The following XPNPEP3 variants were observed in gnomAD, a reference collection of about 807,000 sequenced individuals.
The protein encoded by XPNPEP3 is X-prolyl aminopeptidase 3.
A neutral mutation model predicts 60.0 loss-of-function variants in XPNPEP3; 41 were observed. The observed-to-expected ratio is 0.68, with a 90% CI of 0.53 to 0.89. The LOEUF (loss-of-function observed/expected upper bound fraction) is 0.89. XPNPEP3 is among the 40% of genes least tolerant of loss of function. The pLI is 0.00. For synonymous variants in XPNPEP3, 212 were observed against 223.2 expected (o/e 0.95, Z 0.45); for missense variants, 598 against 638.9 (o/e 0.94, Z 0.69).
Position 40,886,305 on chromosome 22 carries a change from A to T in XPNPEP3, c.590-8A>T. 6.2e-7 allele frequency: 1 copy of T among 1,613,852 alleles called. No individual in the cohort carries two copies. Among genetic ancestry groups the T allele is most frequent in the South Asian group, 1.1e-5 (1 of 91,076 alleles). The stretch of plus-strand genomic sequence containing the variant: ...TTTTAAATTTATTTTTCGGCTTCTC[A>T]TTCTAAGCTGAGACGAACATGGTTT... On this transcript the variant is annotated splice_region_variant and splice_polypyrimidine_tract_variant and intron_variant, in intron 3 of 9. Transcript: ENST00000357137.
Position 40,873,105 on chromosome 22 carries a change from T to C in XPNPEP3, c.181+3990T>C, listed in dbSNP as rs1039234070. On this transcript the variant is annotated intron_variant, in intron 2 of 9. Coordinates refer to ENST00000357137, the MANE Select transcript of XPNPEP3 (RefSeq NM_022098.4). Reference sequence around the variant, plus strand: ...CTTTTTCTTTTTCTTTTTCTTTTTTTTTTTTTTTTTTTTTTTTTGAGACAG... The same window carrying C: ...CTTTTTCTTTTTCTTTTTCTTTTTTCTTTTTTTTTTTTTTTTTTGAGACAG... Among the ~76,000 whole-genome samples, 12 of 131,564 alleles carry C rather than the reference T, an allele frequency of 9.1e-5. 1 individual carries two copies. Among genetic ancestry groups the C allele is most frequent in the African/African-American group, 3.2e-4 (11 of 34,766 alleles). 86.3% of individuals were successfully genotyped at this position (131,564 alleles called of 152,430 possible).
At chr22:40,857,360 AC>A in intron 1 of XPNPEP3, 115 bp downstream of exon 1, 2 of 1,166,698 alleles carry the variant, frequency 1.7e-6, no homozygotes, top group South Asian at 1.3e-5. Context: ...CCGCTCCCCA[AC>A]CCTCTGTGCT....
chr22:40,877,972 C>T (rs746132675), intron 2 of XPNPEP3, among the ~76,000 whole-genome samples: 1 of 151,934 alleles, frequency 6.6e-6, no homozygotes, highest in Non-Finnish European at 1.5e-5. Flanking sequence ...TTTGGGAGGC[C>T]GAGGCCGGTG....
chr22:40,859,565 C>T (rs1217194803), intron 1 of XPNPEP3: 1 of 151,884 alleles, frequency 6.6e-6, no homozygotes, highest in Non-Finnish European at 1.5e-5. Flanking sequence ...ATACCCTGGG[C>T]TTTTATTATT....
chr22:40,908,078 G>GT (rs2058163057), intron 5 of XPNPEP3, among the ~76,000 whole-genome samples: 1 of 152,030 alleles, frequency 6.6e-6, no homozygotes, highest in African/African-American at 2.4e-5. Context: ...GCTGAGTGTG[G>GT]TAACGTATGC....
chr22:40,862,111 G>A, intron 1 of XPNPEP3: 1 of 1,495,118 alleles, frequency 6.7e-7, no homozygotes, highest in Non-Finnish European at 8.9e-7. Flanking sequence ...ACACTTTTAT[G>A]TTAAAGACAA....
In XPNPEP3 at chr22:40,927,504, C is replaced by T. The variant is rs542021429; in HGVS notation, c.*1069C>T. The stretch of plus-strand genomic sequence containing the variant: ...AACAAATAAATAAATAAAATCCTGA[C>T]ATCCTGCCATCTTTTCTCTTCAATT... On this transcript the variant is annotated 3_prime_UTR_variant, in exon 10 of 10. Coordinates refer to ENST00000357137, the MANE Select transcript of XPNPEP3 (RefSeq NM_022098.4). 2.0e-5 allele frequency: 3 copies of T among 151,524 alleles called. No homozygotes were observed. Among genetic ancestry groups the T allele is most frequent in the South Asian group, 2.1e-4 (1 of 4,798 alleles). The allele number at this position is 151,524 out of a possible 1,614,324, so 9.4% of individuals were successfully genotyped here. A position where few individuals can be genotyped will look rare whatever the true frequency, so the allele number is the denominator to read the frequency against.
rs764373334 is a variant in XPNPEP3 at position 40,924,477 on chromosome 22, A to C, written c.1352A>C (p.Glu451Ala). 6.2e-7 allele frequency: 1 copy of C among 1,614,110 alleles called. No individual in the cohort carries two copies. Among genetic ancestry groups the C allele is most frequent in the Non-Finnish European group, 8.5e-7 (1 of 1,180,020 alleles). The change falls in exon 9 of 10, where the codon GAG becomes GCG. Residue 451 changes from glutamate (E) to alanine (A), a missense_variant. Glu to Ala is a moderately radical substitution (Grantham distance 107). Coordinates refer to ENST00000357137, the MANE Select transcript of XPNPEP3 (RefSeq NM_022098.4). ...PLQPGMVITI[E>A]PGIYIPEDDK... ...CAGCCTGGGATGGTAATCACAATTG[A>C]GCCCGGTAAGGAGAGGTGTTACAAT... is the stretch of plus-strand genomic sequence containing the variant.
intron 4 of XPNPEP3, 106 bp from the exon 5 acceptor site, chr22:40,907,481 A>G: frequency 2.5e-6 from 3 of 1,207,790 alleles, no homozygotes; most frequent in African/African-American, 1.5e-5. Flanking sequence ...CAGGCTGACG[A>G]AATTGTGGGA....
chr22:40,897,501 G>GTT (rs879498678), intron 4 of XPNPEP3, among the ~76,000 whole-genome samples: 1 of 142,982 alleles, frequency 7.0e-6, no homozygotes, highest in African/African-American at 2.6e-5. Flanking sequence ...AGTCTGTGTT[G>GTT]TTTTTTTTTT....
At chr22:40,899,544 G>A (rs184500212) in intron 4 of XPNPEP3, among the ~76,000 whole-genome samples, 4 of 152,096 alleles carry the variant, frequency 2.6e-5, no homozygotes, top group East Asian at 1.9e-4. Flanking sequence ...AGTTGTGCCC[G>A]GGCACAGTGG....
intron 1 of XPNPEP3, chr22:40,861,736 C>G: frequency 6.2e-7 from 1 of 1,613,690 alleles, no homozygotes; most frequent in Non-Finnish European, 8.5e-7. Context: ...AATGTGAAGC[C>G]GTACTCACAT....
At chr22:40,862,256 C>T (rs1428535218) in intron 1 of XPNPEP3, 25 of 1,184,474 alleles carry the variant, frequency 2.1e-5, no homozygotes, top group Non-Finnish European at 2.6e-5. Flanking sequence ...AGAGCTAGTC[C>T]AGAGTCGTAC....
At chr22:40,890,595 A>G (rs912136739) in intron 4 of XPNPEP3, among the ~76,000 whole-genome samples, 1 of 151,850 alleles carries the variant, frequency 6.6e-6, no homozygotes, top group Non-Finnish European at 1.5e-5. Context: ...GGCTGGATGC[A>G]GTGGCTCACG....
chr22:40,900,146 A>G (rs2058126103), intron 4 of XPNPEP3, among the ~76,000 whole-genome samples: 1 of 152,164 alleles, frequency 6.6e-6, no homozygotes, highest in Non-Finnish European at 1.5e-5. Context: ...AGGAAAAAAC[A>G]TAAGGGTGAA....
At chr22:40,925,110 T>G (rs1045055753) in intron 9 of XPNPEP3, among the ~76,000 whole-genome samples, 1 of 152,196 alleles carries the variant, frequency 6.6e-6, no homozygotes, top group African/African-American at 2.4e-5. Flanking sequence ...GGTGCTTGTG[T>G]GCAGAGAGAC....
chr22:40,875,401 T>A (rs1043663286), intron 2 of XPNPEP3, among the ~76,000 whole-genome samples: 4 of 152,204 alleles, frequency 2.6e-5, no homozygotes, highest in Non-Finnish European at 4.4e-5. Flanking sequence ...ATAATTTTTT[T>A]AAATCACTGT....
chr22:40,908,998 T>C, intron 5 of XPNPEP3, 124 bp from the exon 6 acceptor site: 1 of 771,280 alleles, frequency 1.3e-6, no homozygotes, highest in Non-Finnish European at 2.3e-6. Context: ...TTAGATATGA[T>C]GAATAGCTTC....
intron 1 of XPNPEP3, among the ~76,000 whole-genome samples, chr22:40,864,255 G>T (rs950296950): frequency 1.3e-5 from 2 of 152,150 alleles, no homozygotes; most frequent in Non-Finnish European, 2.9e-5. Context: ...AACTCTTGGG[G>T]TGCTGGTGGG....
Sources: gnomAD v4.1 joint callset for allele counts (sites outside exome capture counted in the v4.1 genomes callset) on GRCh38, gnomAD v4.1.1 for gene constraint, MANE v1.5 for transcripts, NCBI Gene and HGNC (gene_info 2026-07-23, HGNC 2026-07-21) for gene names.